Variants in GDAP1 observed in about 807,000 individuals in gnomAD.
GDAP1 encodes ganglioside induced differentiation associated protein 1, also known as ganglioside-induced differentiation-associated protein 1.
A neutral mutation model predicts 40.1 loss-of-function variants in GDAP1; 34 were observed. The ratio of observed to expected loss-of-function variants is 0.85; its 90% CI spans 0.64 to 1.13. GDAP1 has a LOEUF of 1.13. Ranked by LOEUF, GDAP1 falls within the 50% of genes most tolerant of loss-of-function variation. The pLI is 0.00. For missense variants in GDAP1, 374 were observed against 433.7 expected (o/e 0.86, Z 1.22); for synonymous variants, 170 against 157.4 (o/e 1.08, Z -0.60).
At chr8:74,354,463 G>A (rs954826859) in intron 2 of GDAP1, among the ~76,000 whole-genome samples, 1 of 152,176 alleles carries the variant, frequency 6.6e-6, no homozygotes, top group Non-Finnish European at 1.5e-5. Flanking sequence ...GAAGAAATAC[G>A]ATTACATTTG....
chr8:74,374,513 C>G (rs1809818443), intron 2 of GDAP1, among the ~76,000 whole-genome samples: 1 of 151,608 alleles, frequency 6.6e-6, no homozygotes, highest in Non-Finnish European at 1.5e-5. Context: ...AAAAAAAAAT[C>G]AATGCAGCAA....
chr8:74,423,498 A>G (rs1427180909), intron 2 of GDAP1, among the ~76,000 whole-genome samples: 1 of 150,868 alleles, frequency 6.6e-6, no homozygotes, highest in Non-Finnish European at 1.5e-5. Flanking sequence ...AATATGTGAT[A>G]GATGAACTGA....
At chr8:74,436,326 T>A (rs1470037053) in intron 2 of GDAP1, among the ~76,000 whole-genome samples, 1 of 152,072 alleles carries the variant, frequency 6.6e-6, no homozygotes, top group Non-Finnish European at 1.5e-5. Flanking sequence ...TATCTGGGGC[T>A]GAGTTTTGCA....
At chr8:74,439,372 C>G (rs1806132752) in intron 2 of GDAP1, among the ~76,000 whole-genome samples, 1 of 151,868 alleles carries the variant, frequency 6.6e-6, no homozygotes, top group Non-Finnish European at 1.5e-5. Flanking sequence ...TCATCTTTTC[C>G]CTACTTATTT....
chr8:74,420,568 T>G (rs1248887192), intron 2 of GDAP1, among the ~76,000 whole-genome samples: 1 of 152,150 alleles, frequency 6.6e-6, no homozygotes, highest in East Asian at 1.9e-4. Context: ...ACAGCAGCAG[T>G]AACAACACCT....
At chr8:74,461,117 C>G (rs1229282736) in intron 2 of GDAP1, among the ~76,000 whole-genome samples, 1 of 152,182 alleles carries the variant, frequency 6.6e-6, no homozygotes, top group South Asian at 2.1e-4. Context: ...CACCCTTACC[C>G]TCTTCATTTT....
chr8:74,432,574 G>A (rs916567527), intron 2 of GDAP1, among the ~76,000 whole-genome samples: 1 of 152,106 alleles, frequency 6.6e-6, no homozygotes, highest in Non-Finnish European at 1.5e-5. Context: ...TCTTCTGGAT[G>A]GGCTGGAGGG....
downstream of GDAP1, chr8:74,366,957 G>T (rs1317685246): frequency 2.9e-6 from 1 of 343,620 alleles, no homozygotes; most frequent in Admixed American, 4.2e-5. Flanking sequence ...AGTTAAAAGG[G>T]TAAAATAAGC....
At chr8:74,356,716 A>ATATATATATTTT (rs375377157) in intron 2 of GDAP1, among the ~76,000 whole-genome samples, 20 of 104,320 alleles carry the variant, frequency 1.9e-4, no homozygotes, top group South Asian at 3.1e-4. Context: ...ATATATATAT[A>ATATATATATTTT]TTTTTTTTTT....
chr8:74,420,873 G>T (rs570757364), intron 2 of GDAP1, among the ~76,000 whole-genome samples: 31 of 151,826 alleles, frequency 2.0e-4, no homozygotes, highest in African/African-American at 7.5e-4. Flanking sequence ...TAAGTTCTGG[G>T]GTACATGTGC....
chr8:74,467,229 T>G (rs1387944090), intron 2 of GDAP1, among the ~76,000 whole-genome samples: 1 of 151,820 alleles, frequency 6.6e-6, no homozygotes, highest in South Asian at 2.1e-4. Context: ...TCTTAGAGAG[T>G]GGAAGATCAA....
chr8:74,423,313 TAG>T (rs1399102923), intron 2 of GDAP1, among the ~76,000 whole-genome samples: 2 of 147,154 alleles, frequency 1.4e-5, no homozygotes, highest in Non-Finnish European at 3.0e-5. Context: ...CTATATATAA[TAG>T]TATATATACT....
At chr8:74,379,902 G>T (rs966990922) in intron 2 of GDAP1, among the ~76,000 whole-genome samples, 1 of 152,164 alleles carries the variant, frequency 6.6e-6, no homozygotes, top group African/African-American at 2.4e-5. Context: ...TGCATGCAGG[G>T]ACCTCACCCC....
At chr8:74,386,328 T>A (rs1192710800) in intron 2 of GDAP1, among the ~76,000 whole-genome samples, 1 of 152,212 alleles carries the variant, frequency 6.6e-6, no homozygotes, top group Non-Finnish European at 1.5e-5. Flanking sequence ...TTAGGTCTTA[T>A]GTTTAAGTCC....
At chr8:74,389,376 G>T (rs140005901) in intron 2 of GDAP1, among the ~76,000 whole-genome samples, 28 of 152,184 alleles carry the variant, frequency 1.8e-4, no homozygotes, top group Non-Finnish European at 3.4e-4. Context: ...GCCTAGTGGT[G>T]TCAAAATCCC....
chr8:74,479,986 C>CTTTT (rs71271807), intron 2 of GDAP1, among the ~76,000 whole-genome samples: 3 of 102,930 alleles, frequency 2.9e-5, no homozygotes, highest in African/African-American at 8.5e-5. Context: ...AATGGACTCT[C>CTTTT]TTTTTTTTTT....
At chr8:74,390,284 C>T (rs900645231) in intron 2 of GDAP1, among the ~76,000 whole-genome samples, 1 of 152,118 alleles carries the variant, frequency 6.6e-6, no homozygotes, top group Non-Finnish European at 1.5e-5. Flanking sequence ...GAATTTTTAG[C>T]CTTTTTGCGC....
intron 2 of GDAP1, among the ~76,000 whole-genome samples, chr8:74,382,541 A>G (rs1200753240): frequency 6.6e-6 from 1 of 152,162 alleles, no homozygotes; most frequent in Admixed American, 6.5e-5. Context: ...CTAATAAAAA[A>G]TATTGAGTAA....
chr8:74,364,452 T>A lies in GDAP1; in HGVS notation c.*85T>A, dbSNP rs1809527349. The A allele has an allele frequency of 2.3e-6, 3 of 1,314,922 alleles. No individual in the cohort carries two copies. Among genetic ancestry groups the A allele is most frequent in the Non-Finnish European group, 3.3e-6 (3 of 919,288 alleles). 81.5% of individuals were successfully genotyped at this position (1,314,922 alleles called of 1,614,324 possible). A position where few individuals can be genotyped will look rare whatever the true frequency, so the allele number is the denominator to read the frequency against. The stretch of plus-strand genomic sequence containing the variant: ...CCGTGGCTCTCTGAGTCTGTCTTAT[T>A]GAGTAGTTAGCAGTATTTTTTCCTA... On this transcript the variant is annotated 3_prime_UTR_variant, in exon 6 of 6. Transcript: ENST00000220822.
Sources: gnomAD v4.1 joint callset for allele counts (sites outside exome capture counted in the v4.1 genomes callset) on GRCh38, gnomAD v4.1.1 for gene constraint, MANE v1.5 for transcripts, NCBI Gene and HGNC (gene_info 2026-07-23, HGNC 2026-07-21) for gene names.